The following ZNF541 variants were observed in gnomAD, a reference collection of about 807,000 sequenced individuals.
The protein encoded by ZNF541 is zinc finger protein 541.
Under a neutral mutation model 123.5 loss-of-function variants are expected in ZNF541, and 23 were observed. That is an observed-to-expected ratio of 0.19 (90% CI 0.13 to 0.26). The LOEUF (loss-of-function observed/expected upper bound fraction) is 0.26. Among genes scored for constraint, ZNF541 ranks in the 10% least tolerant of loss-of-function variants. The pLI is 1.00. For synonymous variants in ZNF541, 751 were observed against 754.5 expected (o/e 1.00, Z 0.08); for missense variants, 1,612 against 1,789.9 (o/e 0.90, Z 1.79).
At chr19:47,536,595 A>T (rs367686134) in intron 9 of ZNF541, among the ~76,000 whole-genome samples, 5 of 152,078 alleles carry the variant, frequency 3.3e-5, no homozygotes, top group African/African-American at 9.7e-5. Flanking sequence ...CCCTACATAA[A>T]AACAATTACA....
In ZNF541 at chr19:47,521,999, T is replaced by C; in HGVS notation, c.3571-5A>G. ...AGCTACCGTCTTTGTCTGGATCTAG[T>C]GAAAGAAAACAAGCAGGCTGTGGCT... On this transcript the variant is annotated splice_polypyrimidine_tract_variant and splice_region_variant and intron_variant, in intron 14 of 16. Coordinates refer to ENST00000391901, the MANE Select transcript of ZNF541 (RefSeq NM_001277075.3). The surrounding 1 kb of genome is among the most constrained non-coding windows in gnomAD (Gnocchi z 4.2). The C allele has an allele frequency of 6.4e-7, 1 of 1,551,358 alleles. No homozygotes were observed. Among genetic ancestry groups the C allele is most frequent in the Non-Finnish European group, 8.7e-7 (1 of 1,146,850 alleles).
intron 5 of ZNF541, among the ~76,000 whole-genome samples, chr19:47,541,390 C>T (rs1970074885): frequency 6.6e-6 from 1 of 151,818 alleles, no homozygotes; most frequent in South Asian, 2.1e-4. Context: ...TCACTCCAGC[C>T]TGAGTGACAG....
chr19:47,549,182 C>G lies in ZNF541; in HGVS notation c.548+63G>C, dbSNP rs114345059. 1.5e-3 allele frequency: 2,273 copies of G among 1,541,970 alleles called. 24 individuals carry two copies. In the African/African-American group the frequency reaches 0.028, roughly 19 times the overall value. On this transcript the variant is annotated intron_variant, in intron 4 of 16. Coordinates refer to ENST00000391901, the MANE Select transcript of ZNF541 (RefSeq NM_001277075.3). ...TGATCTGGGAGAATAGGAAGAAGAC[C>G]CAGGAACATGTCCCCACCCCCAGCC...
chr19:47,536,234 T>C (rs868556198), intron 9 of ZNF541, among the ~76,000 whole-genome samples: 6 of 152,198 alleles, frequency 3.9e-5, no homozygotes, highest in Non-Finnish European at 5.9e-5. Flanking sequence ...ATGGCCATTA[T>C]GAACATGTCA....
Position 47,521,429 on chromosome 19 carries a change from G to A in ZNF541, c.3887+50C>T, listed in dbSNP as rs1240315124. 1 of 1,550,686 alleles carries A rather than the reference G, an allele frequency of 6.4e-7. No individual in the cohort carries two copies. The highest frequency in any genetic ancestry group is 1.4e-5 in the African/African-American group (1 of 73,144). ...TCAGAGCAGGGAGGAAGGGATCACA[G>A]GGGCTGAGGCTGGGAGCCCTGGGAG... On this transcript the variant is annotated intron_variant, in intron 16 of 16. Transcript: ENST00000391901. The surrounding 1 kb of genome is among the most constrained non-coding windows in gnomAD (Gnocchi z 4.2).
chr19:47,549,975 GGT>G (rs1970525646), intron 3 of ZNF541, among the ~76,000 whole-genome samples: 1 of 152,070 alleles, frequency 6.6e-6, no homozygotes, highest in Non-Finnish European at 1.5e-5. Flanking sequence ...ATCTGGGTTG[GGT>G]GTGGTAGCTC....
chr19:47,538,106 C>G (rs772800300), intron 9 of ZNF541, 36 bp downstream of exon 9: 5 of 1,548,114 alleles, frequency 3.2e-6, no homozygotes, highest in Non-Finnish European at 4.4e-6. Flanking sequence ...GCAATCCACC[C>G]TGGGATCACA....
intron 14 of ZNF541, among the ~76,000 whole-genome samples, chr19:47,524,663 G>GT (rs1216207845): frequency 2.0e-5 from 3 of 148,116 alleles, no homozygotes; most frequent in African/African-American, 7.5e-5. Context: ...AGCTGAGATC[G>GT]TACCACTGCA....
intron 5 of ZNF541, among the ~76,000 whole-genome samples, chr19:47,541,786 G>A (rs1403409202): frequency 1.3e-5 from 2 of 152,222 alleles, no homozygotes; most frequent in Admixed American, 6.5e-5. Flanking sequence ...CATGGAGAAT[G>A]TGGAGCCCTC....
In ZNF541 at chr19:47,536,005, G is replaced by C. The variant is rs187169995; in HGVS notation, c.3094+2137C>G. Among the ~76,000 whole-genome samples the C allele has an allele frequency of 3.8e-3, 575 of 152,270 alleles. 8 individuals carry two copies. The highest frequency in any genetic ancestry group is 3.8e-3 in the Non-Finnish European group (260 of 68,024). Reference sequence around the variant, plus strand: ...ATAAGCATTGTTTCTATAGATTATAGATCAATTAAAAGTATTCCTTACAGG... The same window carrying C: ...ATAAGCATTGTTTCTATAGATTATACATCAATTAAAAGTATTCCTTACAGG... On this transcript the variant is annotated intron_variant, in intron 9 of 16. Coordinates refer to ENST00000391901, the MANE Select transcript of ZNF541 (RefSeq NM_001277075.3).
At chr19:47,549,637 CA>C in intron 3 of ZNF541, among the ~76,000 whole-genome samples, 152 bp from the exon 4 acceptor site, 1 of 152,258 alleles carries the variant, frequency 6.6e-6, no homozygotes, top group East Asian at 1.9e-4. Flanking sequence ...GGTTCAGGAG[CA>C]GGTGAGGGGA....
chr19:47,544,787 G>C lies in ZNF541; in HGVS notation c.1742C>G (p.Pro581Arg). Residue 581 changes from proline (P) to arginine (R), a missense_variant, in exon 5 of 17, where the codon CCT becomes CGT. Physicochemically the swap from Pro to Arg is moderately radical, Grantham distance 103. This residue lies in a region of ZNF541 where 1,080 missense variants were observed against 1,013.8 expected (regional missense o/e 1.07). Transcript: ENST00000391901. The part of the protein sequence containing the change: ...AQVAAVSSQL[P>R]APEGKPAALR... Reference sequence around the variant, plus strand: ...GGCGGCTGGTTTGCCCTCGGGCGCAGGGAGCTGGGAGGAGACTGCTGCCAC... The same window carrying C: ...GGCGGCTGGTTTGCCCTCGGGCGCACGGAGCTGGGAGGAGACTGCTGCCAC... The C allele has an allele frequency of 6.6e-7, 1 of 1,519,708 alleles. No individual in the cohort carries two copies. The allele number at this position is 1,519,708 out of a possible 1,614,324, so 94.1% of individuals were successfully genotyped here.
intron 3 of ZNF541, among the ~76,000 whole-genome samples, chr19:47,551,451 A>G (rs1244031668): frequency 6.6e-6 from 1 of 151,402 alleles, no homozygotes; most frequent in Admixed American, 6.6e-5. Flanking sequence ...AGCTCACCGC[A>G]GCCTTGAACT....
intron 14 of ZNF541, among the ~76,000 whole-genome samples, chr19:47,524,578 C>T (rs1028693392): frequency 8.6e-5 from 13 of 151,762 alleles, no homozygotes; most frequent in Non-Finnish European, 1.3e-4. Flanking sequence ...TGTGGTGGCA[C>T]GCACCTGTAA....
At chr19:47,529,414 T>C (rs1334514322) in intron 13 of ZNF541, among the ~76,000 whole-genome samples, 163 bp downstream of exon 13, 1 of 152,122 alleles carries the variant, frequency 6.6e-6, no homozygotes, top group Non-Finnish European at 1.5e-5. Context: ...ACTAGCAGAA[T>C]GTGGCGCCCA....
In ZNF541 at chr19:47,545,267, C is replaced by T. The variant is rs1349436305; in HGVS notation, c.1262G>A (p.Gly421Asp). The change falls in exon 5 of 17, where the codon GGC becomes GAC. Residue 421 changes from glycine (G) to aspartate (D), a missense_variant. Physicochemically the swap from Gly to Asp is moderately conservative, Grantham distance 94 (BLOSUM62 -1). Transcript: ENST00000391901. This position sits in a 1 kb window ranked among gnomAD's most constrained non-coding sequence, Gnocchi z 7.5. The stretch of plus-strand genomic sequence containing the variant: ...GTTGTTGCCTTTGCTTTTGGGACAG[C>T]CCGGCAGGTTCCGGAGCCACTGGAA... ...HSFQWLRNLP[G>D]CPKSKGNNVF... is the part of the protein sequence containing the mutation. 4 of 1,549,162 alleles carry T rather than the reference C, an allele frequency of 2.6e-6. No homozygotes were observed. Among genetic ancestry groups the T allele is most frequent in the South Asian group, 2.4e-5 (2 of 84,054 alleles).
rs1314903426 is a variant in ZNF541 at position 47,531,693 on chromosome 19, G to T, written c.3354C>A (p.Thr1118=). Reference sequence around the variant, plus strand: ...GGCAGTGCAGAGCGAGCTCCAGGTTGGTGCCCCCTCCTGGCATCACGCTGG... The same window carrying T: ...GGCAGTGCAGAGCGAGCTCCAGGTTTGTGCCCCCTCCTGGCATCACGCTGG... The part of the protein sequence containing the change: ...ACSSVMPGGG[T]NLELALHCLH... The change falls in exon 12 of 17, where the codon ACC becomes ACA. Residue 1118 remains threonine (T), a synonymous_variant. Coordinates refer to ENST00000391901, the MANE Select transcript of ZNF541 (RefSeq NM_001277075.3). 1.3e-6 allele frequency: 2 copies of T among 1,548,668 alleles called. No homozygotes were observed. Among genetic ancestry groups the T allele is most frequent in the Non-Finnish European group, 1.7e-6 (2 of 1,144,830 alleles).
intron 2 of ZNF541, among the ~76,000 whole-genome samples, chr19:47,566,182 A>C (rs1351188685): frequency 2.0e-5 from 3 of 151,878 alleles, no homozygotes; most frequent in Non-Finnish European, 4.4e-5. Flanking sequence ...ATCTCAAAAA[A>C]AAATAAAATA....
Position 47,520,977 on chromosome 19 carries a change from AG to A in ZNF541, c.*246del, listed in dbSNP as rs1344367650. On this transcript the variant is annotated 3_prime_UTR_variant, in exon 17 of 17. Coordinates refer to ENST00000391901, the MANE Select transcript of ZNF541 (RefSeq NM_001277075.3). Reference sequence around the variant, plus strand: ...CTGCTCTAGAAGTGGAAGGGAAAGAAGGGGAGAGACTATGAACCTAAGGAGA... The same window carrying A: ...CTGCTCTAGAAGTGGAAGGGAAAGAAGGGAGAGACTATGAACCTAAGGAGA... 3 of 485,186 alleles carry A rather than the reference AG, an allele frequency of 6.2e-6. No individual in the cohort carries two copies. The highest frequency in any genetic ancestry group is 1.1e-5 in the Non-Finnish European group (3 of 271,222). 30.1% of individuals were successfully genotyped at this position (485,186 alleles called of 1,614,324 possible). A position where few individuals can be genotyped will look rare whatever the true frequency, so the allele number is the denominator to read the frequency against.
Sources: gnomAD v4.1 joint callset for allele counts (sites outside exome capture counted in the v4.1 genomes callset) on GRCh38, gnomAD v4.1.1 for gene constraint, gnomAD v4.1.1 regional missense constraint, Gnocchi (gnomAD v3.1) non-coding constraint, MANE v1.5 for transcripts, NCBI Gene and HGNC (gene_info 2026-07-23, HGNC 2026-07-21) for gene names.